Variants in TAF1B observed in about 807,000 individuals in gnomAD.
TAF1B encodes the protein TATA-box binding protein associated factor, RNA polymerase I subunit B.
A neutral mutation model predicts 83.9 loss-of-function variants in TAF1B; 61 were observed. That is an observed-to-expected ratio of 0.73 (90% confidence interval 0.59 to 0.90). TAF1B has a LOEUF of 0.90. Among genes scored for constraint, TAF1B ranks in the 40% least tolerant of loss-of-function variants. TAF1B has a pLI of 0.00. For synonymous variants in TAF1B, 221 were observed against 224.6 expected, an observed-to-expected ratio of 0.98 and a Z score of 0.14; for missense variants, 625 against 677.0, an observed-to-expected ratio of 0.92 and a Z score of 0.85.
intron 14 of TAF1B, among the ~76,000 whole-genome samples, chr2:9,924,574 G>T (rs1309796014): frequency 6.6e-6 from 1 of 152,188 alleles, no homozygotes; most frequent in Non-Finnish European, 1.5e-5. Flanking sequence ...GTGTGCCTTC[G>T]TGGTGGGTTT....
In TAF1B at chr2:9,845,245, A is replaced by G. The variant is rs1663167508; in HGVS notation, c.44A>G (p.Gln15Arg). 6.2e-7 allele frequency: 1 copy of G among 1,613,832 alleles called. No homozygotes were observed. Among genetic ancestry groups the G allele is most frequent in the Non-Finnish European group, 8.5e-7 (1 of 1,179,888 alleles). Residue 15 changes from glutamine to arginine, a missense_variant, in exon 2 of 15, where the codon CAG (glutamine) becomes CGG (arginine). Gln to Arg is a conservative substitution (Grantham distance 43). Coordinates refer to ENST00000263663, the MANE Select transcript of TAF1B (RefSeq NM_005680.3). ...EAEEFKERCTQCAAVSWGLTD... is the reference protein window; with the variant it reads ...EAEEFKERCTRCAAVSWGLTD... ...GAAGAGTTTAAAGAACGCTGTACTCAGTGTGCTGCTGTCTCATGGGGTCTT... is the reference window on the plus strand; with the variant it reads ...GAAGAGTTTAAAGAACGCTGTACTCGGTGTGCTGCTGTCTCATGGGGTCTT...
intron 9 of TAF1B, among the ~76,000 whole-genome samples, chr2:9,907,135 G>A (rs947033485): frequency 4.0e-5 from 6 of 150,298 alleles, no homozygotes; most frequent in African/African-American, 1.5e-4. Context: ...CCATCTTCCT[G>A]CCTTGACTTC....
intron 14 of TAF1B, among the ~76,000 whole-genome samples, chr2:9,926,899 G>T (rs1666059186): frequency 6.6e-6 from 1 of 150,674 alleles, no homozygotes; most frequent in Admixed American, 6.6e-5. Context: ...TATACTTTAA[G>T]TTCTAGGGTA....
intron 5 of TAF1B, among the ~76,000 whole-genome samples, chr2:9,864,361 C>T (rs1184894842): frequency 1.3e-5 from 2 of 152,158 alleles, no homozygotes; most frequent in Non-Finnish European, 2.9e-5. Flanking sequence ...AATTCCTCGA[C>T]AAATACACCT....
chr2:9,848,442 A>G (rs1469546), intron 2 of TAF1B, among the ~76,000 whole-genome samples: 34,574 of 152,090 alleles, frequency 0.23, 4,772 homozygotes, highest in East Asian at 0.31. Flanking sequence ...CGAGGTGGGC[A>G]GATCACCTGA....
chr2:9,921,542 T>A (rs1665879398), intron 14 of TAF1B, among the ~76,000 whole-genome samples: 1 of 152,264 alleles, frequency 6.6e-6, no homozygotes, highest in Non-Finnish European at 1.5e-5. Context: ...GTCATTATCC[T>A]AAGTCCTAGA....
At chr2:9,845,357 TA>T in intron 2 of TAF1B, 39 bp downstream of exon 2, 1 of 1,574,038 alleles carries the variant, frequency 6.4e-7, no homozygotes, top group Non-Finnish European at 8.7e-7. Flanking sequence ...GCTTATGTTT[TA>T]AAAATTGCCA....
chr2:9,869,978 G>A (rs6432041), intron 6 of TAF1B, among the ~76,000 whole-genome samples: 45,501 of 151,958 alleles, frequency 0.3, 7,187 homozygotes, highest in African/African-American at 0.37. Flanking sequence ...AGAAATTACC[G>A]CTACTGCTAT....
chr2:9,895,433 G>A, intron 8 of TAF1B, among the ~76,000 whole-genome samples: 1 of 152,168 alleles, frequency 6.6e-6, no homozygotes, highest in Non-Finnish European at 1.5e-5. Context: ...CCCAGAAAGT[G>A]GAAGCCGCAG....
chr2:9,925,419 GAC>G (rs1437673368), intron 14 of TAF1B, among the ~76,000 whole-genome samples: 42 of 152,150 alleles, frequency 2.8e-4, no homozygotes, highest in African/African-American at 9.6e-4. Context: ...CAGCCTGGGT[GAC>G]AGAGTGAGAC....
At chr2:9,877,874 C>A (rs1017629239) in intron 7 of TAF1B, among the ~76,000 whole-genome samples, 1 of 152,150 alleles carries the variant, frequency 6.6e-6, no homozygotes, top group Non-Finnish European at 1.5e-5. Context: ...TCTCCTCCCC[C>A]ACCAAGGGGA....
intron 8 of TAF1B, among the ~76,000 whole-genome samples, chr2:9,895,012 T>C (rs1390576329): frequency 2.0e-5 from 3 of 152,216 alleles, no homozygotes; most frequent in African/African-American, 7.2e-5. Flanking sequence ...AACAAATTAT[T>C]ATCTCCTGTT....
intron 2 of TAF1B, 79 bp downstream of exon 2, chr2:9,845,397 A>G (rs1663173050): frequency 1.7e-6 from 2 of 1,204,404 alleles, no homozygotes; most frequent in Admixed American, 3.5e-5. Context: ...TCTAAGTCCC[A>G]AAGAATTGGG....
chr2:9,866,947 G>T (rs1379568011), intron 5 of TAF1B, among the ~76,000 whole-genome samples: 1 of 151,954 alleles, frequency 6.6e-6, no homozygotes, highest in Non-Finnish European at 1.5e-5. Context: ...GGGGTGGGTG[G>T]AGGGGGGAGG....
rs199753709 is a variant in TAF1B at position 9,919,716 on chromosome 2, G to A, written c.1461G>A (p.Thr487=). 3.0e-5 allele frequency: 49 copies of A among 1,614,036 alleles called. No individual in the cohort carries two copies. Among genetic ancestry groups the A allele is most frequent in the South Asian group, 8.8e-5 (8 of 91,086 alleles). The change falls in exon 14 of 15, where the codon ACG becomes ACA. Residue 487 remains threonine, a synonymous_variant. Coordinates refer to ENST00000263663, the MANE Select transcript of TAF1B (RefSeq NM_005680.3). ...FNWTEEDTDR[T]CFHGHSLQGV... ...GGACTGAAGAGGACACTGATAGAAC[G>A]TGTTTCCATGGACACAGCCTTCAGG...
chr2:9,928,895 T>C (rs923989184), intron 14 of TAF1B, among the ~76,000 whole-genome samples: 3 of 152,212 alleles, frequency 2.0e-5, no homozygotes, highest in Admixed American at 2.0e-4. Context: ...TCCAACACTA[T>C]GTTGAATAGG....
chr2:9,845,082 C>T (rs1405404825), intron 1 of TAF1B, 138 bp from the exon 2 acceptor site: 7 of 523,162 alleles, frequency 1.3e-5, no homozygotes, highest in Non-Finnish European at 2.0e-5. Context: ...CGGATAATCT[C>T]TCTGACATAT....
rs573194154 is a variant in TAF1B, at chr2:9,844,911, G to A, written c.19-309G>A. On this transcript the variant is annotated intron_variant, in intron 1 of 14. Coordinates refer to ENST00000263663, the MANE Select transcript of TAF1B (RefSeq NM_005680.3). ...TTAAAAGTCTTCTCTATACTTGTTT[G>A]TCATCTTCTCACAGTATTTTCAAGG... Among the ~76,000 whole-genome samples the A allele has an allele frequency of 5.3e-5, 8 of 152,202 alleles. No homozygotes were observed. The South Asian group carries it at 1.7e-3, about 32-fold the overall frequency.
chr2:9,895,083 G>A (rs974046828), intron 8 of TAF1B, among the ~76,000 whole-genome samples: 1 of 152,188 alleles, frequency 6.6e-6, no homozygotes, highest in African/African-American at 2.4e-5. Context: ...TAAGGTTTGT[G>A]TTTGTCTGTA....
Sources: allele counts gnomAD v4.1 joint callset (sites outside exome capture counted in the v4.1 genomes callset), GRCh38; gene constraint gnomAD v4.1.1; transcripts MANE v1.5; gene names NCBI Gene and HGNC (gene_info 2026-07-23, HGNC 2026-07-21).